Variants in PCDHGA11 observed in about 807,000 individuals in gnomAD.
PCDHGA11 encodes the protein protocadherin gamma-A11.
In PCDHGA11, 39 loss-of-function variants were observed where a neutral mutation model predicts 60.4. The observed-to-expected ratio is 0.65, with a 90% CI of 0.50 to 0.84. The LOEUF is 0.84. Among genes scored for constraint, PCDHGA11 ranks in the 40% least tolerant of loss-of-function variants. The probability of loss-of-function intolerance (pLI) is 0.00; values close to 1 mark genes in which losing one functional copy is unlikely to be tolerated. For synonymous variants in PCDHGA11, 533 were observed against 510.3 expected (o/e 1.04, Z -0.60); for missense variants, 1,165 against 1,197.7 (o/e 0.97, Z 0.40).
chr5:141,445,828 G>A (rs1188169953), intron 1 of PCDHGA11, among the ~76,000 whole-genome samples: 2 of 152,188 alleles, frequency 1.3e-5, no homozygotes, highest in African/African-American at 2.4e-5. Context: ...AAGGCAGGGA[G>A]AGCCTTGTAA....
At position 141,491,832 on chromosome 5, in the gene PCDHGA11, C is replaced by T. The variant is rs755882255; in HGVS notation, c.2434-2975C>T. On this transcript the variant is annotated intron_variant, in intron 1 of 3. Coordinates refer to ENST00000398587, the MANE Select transcript of PCDHGA11 (RefSeq NM_018914.3). The surrounding 1 kb of genome is among the most constrained non-coding windows in gnomAD (Gnocchi z 6.9). ...GTCGCTGGCTGCGCTCCACCCGATT[C>T]TCGGGATCATTGGACCGTTTGCGCG... 1.6e-5 allele frequency: 24 copies of T among 1,474,306 alleles called. No individual in the cohort carries two copies. The highest frequency in any genetic ancestry group is 2.0e-5 in the Non-Finnish European group (22 of 1,112,688). 91.3% of individuals were successfully genotyped at this position (1,474,306 alleles called of 1,614,324 possible). A position where few individuals can be genotyped will look rare whatever the true frequency, so the allele number is the denominator to read the frequency against.
chr5:141,474,488 A>C (rs2099350464), intron 1 of PCDHGA11, among the ~76,000 whole-genome samples: 1 of 152,208 alleles, frequency 6.6e-6, no homozygotes. Flanking sequence ...AATGTATTCT[A>C]TCTTCTAATG....
intron 1 of PCDHGA11, among the ~76,000 whole-genome samples, chr5:141,435,444 A>T (rs1471113812): frequency 1.3e-5 from 2 of 152,216 alleles, no homozygotes; most frequent in South Asian, 2.1e-4. Context: ...TTTCATTAAT[A>T]CGATATCTGT....
In PCDHGA11 at chr5:141,485,792, G is replaced by A. The variant is rs114766079; in HGVS notation, c.2434-9015G>A. The A allele has an allele frequency of 6.2e-7, 1 of 1,614,236 alleles. No homozygotes were observed. Among genetic ancestry groups the A allele is most frequent in the East Asian group, 2.2e-5 (1 of 44,880 alleles). ...GCCTTTGGATCGAGAGAAGCAATCG[G>A]ACTACCGCCTGGTGCTGACTGCTGT... On this transcript the variant is annotated intron_variant, in intron 1 of 3. Coordinates refer to ENST00000398587, the MANE Select transcript of PCDHGA11 (RefSeq NM_018914.3). This position sits in a 1 kb window ranked among gnomAD's most constrained non-coding sequence, Gnocchi z 5.7.
chr5:141,505,377 C>G lies in PCDHGA11; in HGVS notation c.2493-16C>G, dbSNP rs1368451336. 1.9e-6 allele frequency: 3 copies of G among 1,614,036 alleles called. No homozygotes were observed. In the East Asian group the frequency reaches 6.7e-5, roughly 36 times the overall value. On this transcript the variant is annotated splice_polypyrimidine_tract_variant and intron_variant, in intron 2 of 3. Coordinates refer to ENST00000398587, the MANE Select transcript of PCDHGA11 (RefSeq NM_018914.3). Reference sequence around the variant, plus strand: ...CGGCCTGGGAGTCTGTGCTCACCATCCTACTCTCTCCCCAGCTCCCAAAAT... The same window carrying G: ...CGGCCTGGGAGTCTGTGCTCACCATGCTACTCTCTCCCCAGCTCCCAAAAT...
rs750214310 is a variant in PCDHGA11 at position 141,432,447 on chromosome 5, T to C, written c.2433+8787T>C. 1 of 1,614,202 alleles carries C rather than the reference T, an allele frequency of 6.2e-7. No homozygotes were observed. Among genetic ancestry groups the C allele is most frequent in the South Asian group, 1.1e-5 (1 of 91,072 alleles). ...CAGAACGACAATGCGCCCGAGATCCTGTACCCCGCCCTCCCCACGGACGGT... is the reference window on the plus strand; with the variant it reads ...CAGAACGACAATGCGCCCGAGATCCCGTACCCCGCCCTCCCCACGGACGGT... On this transcript the variant is annotated intron_variant, in intron 1 of 3. Coordinates refer to ENST00000398587, the MANE Select transcript of PCDHGA11 (RefSeq NM_018914.3). This position sits in a 1 kb window ranked among gnomAD's most constrained non-coding sequence, Gnocchi z 6.0.
intron 2 of PCDHGA11, among the ~76,000 whole-genome samples, chr5:141,500,184 TTTTATTTATTTATTTATTTA>T (rs58019021): frequency 1.5e-5 from 2 of 135,966 alleles, no homozygotes; most frequent in Non-Finnish European, 3.2e-5. Flanking sequence ...TCATTTTTAT[TTTTATTTATTTATTTATTTA>T]TTTATTTATT....
In PCDHGA11 at chr5:141,432,808, C is replaced by G. The variant is rs1473886709; in HGVS notation, c.2433+9148C>G. ...TCGGCAGCCTCGAGTCTCCAGCTAA[C>G]TCTGAAACCTCAGACCTCACTCTGT... is the stretch of plus-strand genomic sequence containing the variant. On this transcript the variant is annotated intron_variant, in intron 1 of 3. Coordinates refer to ENST00000398587, the MANE Select transcript of PCDHGA11 (RefSeq NM_018914.3). This position sits in a 1 kb window ranked among gnomAD's most constrained non-coding sequence, Gnocchi z 6.0. 2 of 1,613,486 alleles carry G rather than the reference C, an allele frequency of 1.2e-6. No individual in the cohort carries two copies. Among genetic ancestry groups the G allele is most frequent in the Non-Finnish European group, 1.7e-6 (2 of 1,180,008 alleles).
intron 1 of PCDHGA11, among the ~76,000 whole-genome samples, chr5:141,450,335 T>A (rs1054670037): frequency 1.3e-5 from 2 of 152,158 alleles, no homozygotes; most frequent in African/African-American, 4.8e-5. Context: ...CTCTTTAATC[T>A]ACTTTAATCT....
chr5:141,441,840 C>T (rs2098278154), intron 1 of PCDHGA11: 1 of 355,864 alleles, frequency 2.8e-6, no homozygotes, highest in Non-Finnish European at 5.5e-6. Flanking sequence ...GCTTCGCGCT[C>T]TTGGATATGG....
intron 1 of PCDHGA11, among the ~76,000 whole-genome samples, chr5:141,424,873 A>G (rs549945556): frequency 3.9e-5 from 6 of 152,198 alleles, no homozygotes; most frequent in Non-Finnish European, 8.8e-5. Context: ...CAAATGAGGA[A>G]AGGAGACTTA....
chr5:141,477,630 T>G lies in PCDHGA11; in HGVS notation c.2434-17177T>G. The G allele has an allele frequency of 6.2e-7, 1 of 1,614,228 alleles. No homozygotes were observed. The highest frequency in any genetic ancestry group is 8.5e-7 in the Non-Finnish European group (1 of 1,180,042). ...TTGGAGCAAGGAGCTGAAACCGGGC[T>G]AGTGGGTCGCTATTTCACAATAAAT... On this transcript the variant is annotated intron_variant, in intron 1 of 3. Coordinates refer to ENST00000398587, the MANE Select transcript of PCDHGA11 (RefSeq NM_018914.3). The surrounding 1 kb of genome is among the most constrained non-coding windows in gnomAD (Gnocchi z 4.9).
chr5:141,430,587 T>C, intron 1 of PCDHGA11: 1 of 521,996 alleles, frequency 1.9e-6, no homozygotes, highest in Non-Finnish European at 3.1e-6. Context: ...CCTGCTCGCC[T>C]TGCACGCGCC....
chr5:141,489,983 G>T lies in PCDHGA11; in HGVS notation c.2434-4824G>T. ...CCAACCTTCCAATCCTCAGTTCTACGTGTGGGAATCCCAGAGAATGCACCC... is the reference window on the plus strand; with the variant it reads ...CCAACCTTCCAATCCTCAGTTCTACTTGTGGGAATCCCAGAGAATGCACCC... On this transcript the variant is annotated intron_variant, in intron 1 of 3. Coordinates refer to ENST00000398587, the MANE Select transcript of PCDHGA11 (RefSeq NM_018914.3). The surrounding 1 kb of genome is among the most constrained non-coding windows in gnomAD (Gnocchi z 4.5). The T allele has an allele frequency of 6.2e-7, 1 of 1,614,172 alleles. No homozygotes were observed. Among genetic ancestry groups the T allele is most frequent in the Non-Finnish European group, 8.5e-7 (1 of 1,179,996 alleles).
intron 2 of PCDHGA11, among the ~76,000 whole-genome samples, chr5:141,503,950 C>T (rs1216385793): frequency 3.3e-5 from 5 of 152,180 alleles, no homozygotes; most frequent in Non-Finnish European, 7.3e-5. Flanking sequence ...CAAGGCCTAC[C>T]CTACAGCCTT....
intron 1 of PCDHGA11, among the ~76,000 whole-genome samples, chr5:141,425,691 T>C (rs1411905655): frequency 6.6e-6 from 1 of 152,238 alleles, no homozygotes. Context: ...TGCATATCAT[T>C]TCATAGTGGT....
chr5:141,478,521 G>A, intron 1 of PCDHGA11: 1 of 1,610,618 alleles, frequency 6.2e-7, no homozygotes, highest in Non-Finnish European at 8.5e-7. Context: ...CAGGTGTTGG[G>A]TGCAGAGAGC....
intron 2 of PCDHGA11, among the ~76,000 whole-genome samples, chr5:141,495,279 G>C (rs72790069): frequency 0.027 from 4,092 of 152,256 alleles, 88 homozygotes; most frequent in Middle Eastern, 0.048. Flanking sequence ...CGGAGGAGGC[G>C]GTCCGCACTC....
chr5:141,477,978 T>A lies in PCDHGA11; in HGVS notation c.2434-16829T>A. ...TCCCCTAACCAGAGCCTTTTTGCCA[T>A]AGGGCTGCACACTGGTCAAATCAGT... is the stretch of plus-strand genomic sequence containing the variant. On this transcript the variant is annotated intron_variant, in intron 1 of 3. Transcript: ENST00000398587. The surrounding 1 kb of genome is among the most constrained non-coding windows in gnomAD (Gnocchi z 4.9). The A allele has an allele frequency of 6.2e-7, 1 of 1,614,120 alleles. No individual in the cohort carries two copies. Among genetic ancestry groups the A allele is most frequent in the Non-Finnish European group, 8.5e-7 (1 of 1,180,022 alleles).
Sources: gnomAD v4.1 joint callset for allele counts (sites outside exome capture counted in the v4.1 genomes callset) on GRCh38, gnomAD v4.1.1 for gene constraint, Gnocchi (gnomAD v3.1) non-coding constraint, MANE v1.5 for transcripts, NCBI Gene and HGNC (gene_info 2026-07-23, HGNC 2026-07-21) for gene names.